Variants in CPSF2 observed in about 807,000 individuals in gnomAD.
CPSF2 encodes cleavage and polyadenylation specificity factor subunit 2.
A neutral mutation model predicts 84.2 loss-of-function variants in CPSF2; 51 were observed. That is an observed-to-expected ratio of 0.61 (90% CI 0.48 to 0.77). The LOEUF (loss-of-function observed/expected upper bound fraction) is 0.77. Among genes scored for constraint, CPSF2 ranks in the 30% least tolerant of loss-of-function variants. CPSF2 has a pLI of 0.00. For missense variants in CPSF2, 641 were observed against 929.4 expected (o/e 0.69, Z 4.03); for synonymous variants, 286 against 311.9 (o/e 0.92, Z 0.87).
Position 92,172,002 on chromosome 14 carries a change from C to A in CPSF2, c.*10258C>A, listed in dbSNP as rs951812836. The A allele has an allele frequency of 5.9e-5, 9 of 152,296 alleles. No homozygotes were observed. Among genetic ancestry groups the A allele is most frequent in the African/African-American group, 2.2e-4 (9 of 41,554 alleles). The allele number at this position is 152,296 out of a possible 1,614,324, so 9.4% of individuals were successfully genotyped here. ...GTGAGGACCAAGTTTCCTCCCTTTC[C>A]TCGATCCATGACAGCACCTGCCAGT... On this transcript the variant is annotated 3_prime_UTR_variant, in exon 16 of 16. Transcript: ENST00000298875.
At chr14:92,137,093 A>G (rs1329894133) in intron 6 of CPSF2, among the ~76,000 whole-genome samples, 1 of 152,170 alleles carries the variant, frequency 6.6e-6, no homozygotes, top group Admixed American at 6.5e-5. Context: ...TATAAGATCA[A>G]GTATTAATTT....
At chr14:92,138,580 C>T (rs535343027) in intron 7 of CPSF2, among the ~76,000 whole-genome samples, 2 of 152,036 alleles carry the variant, frequency 1.3e-5, no homozygotes, top group Admixed American at 6.6e-5. Flanking sequence ...CAGGTGTGCA[C>T]CACCACGCCC....
intron 1 of CPSF2, 105 bp downstream of exon 1, chr14:92,122,233 A>G: frequency 3.7e-6 from 1 of 269,314 alleles, no homozygotes; most frequent in Admixed American, 5.0e-5. Context: ...TCCCCCGAGG[A>G]CTCGCCCCCG....
chr14:92,156,411 A>G (rs2069290645), intron 11 of CPSF2, 68 bp from the exon 12 acceptor site: 7 of 1,292,594 alleles, frequency 5.4e-6, no homozygotes, highest in Non-Finnish European at 4.2e-6. Context: ...TATGCCACCT[A>G]CTAGTCATAT....
chr14:92,154,475 CAG>C lies in CPSF2; in HGVS notation c.1241+19_1241+20del. Reference sequence around the variant, plus strand: ...GTCAAAAGAGTGAGTCATTTTCAGACAGATTATAAATTTATGGATGCAATTTG... The same window carrying C: ...GTCAAAAGAGTGAGTCATTTTCAGACATTATAAATTTATGGATGCAATTTG... On this transcript the variant is annotated intron_variant, in intron 10 of 15. Transcript: ENST00000298875. 1 of 1,520,688 alleles carries C rather than the reference CAG, an allele frequency of 6.6e-7. No homozygotes were observed. Among genetic ancestry groups the C allele is most frequent in the Non-Finnish European group, 9.0e-7 (1 of 1,116,424 alleles). 94.2% of individuals were successfully genotyped at this position (1,520,688 alleles called of 1,614,324 possible).
rs192122353 is a variant in CPSF2, at chr14:92,125,021, A to G, written c.-93-1101A>G. On this transcript the variant is annotated intron_variant, in intron 1 of 15. Transcript: ENST00000298875. ...GTGATGTCAGGGTGGCTTCCTGGCAACCTCCATTGCCAGTTAAGGCATTTG... is the reference window on the plus strand; with the variant it reads ...GTGATGTCAGGGTGGCTTCCTGGCAGCCTCCATTGCCAGTTAAGGCATTTG... Among the ~76,000 whole-genome samples, 22 of 152,198 alleles carry G rather than the reference A, an allele frequency of 1.4e-4. 2 individuals are homozygous for G. The highest frequency in any genetic ancestry group is 4.8e-4 in the African/African-American group (20 of 41,526).
At chr14:92,129,991 T>G (rs1046121772) in intron 2 of CPSF2, among the ~76,000 whole-genome samples, 1 of 152,126 alleles carries the variant, frequency 6.6e-6, no homozygotes, top group African/African-American at 2.4e-5. Context: ...CTAGCAGTCT[T>G]CCTGCCTCGG....
rs112034482 is a variant in CPSF2 at position 92,147,958 on chromosome 14, C to T, written c.1140+4664C>T. Among the ~76,000 whole-genome samples, 832 of 152,328 alleles carry T rather than the reference C, an allele frequency of 5.5e-3. 6 individuals carry two copies. Among genetic ancestry groups the T allele is most frequent in the African/African-American group, 0.018 (742 of 41,572 alleles). ...CAAGCTGGTCTTGAACTACTGGCCTCAAACAATTCTCCCACCTTGGCCTCC... is the reference window on the plus strand; with the variant it reads ...CAAGCTGGTCTTGAACTACTGGCCTTAAACAATTCTCCCACCTTGGCCTCC... On this transcript the variant is annotated intron_variant, in intron 9 of 15. Coordinates refer to ENST00000298875, the MANE Select transcript of CPSF2 (RefSeq NM_017437.3).
chr14:92,142,869 C>A, intron 8 of CPSF2, 135 bp from the exon 9 acceptor site: 1 of 757,794 alleles, frequency 1.3e-6, no homozygotes, highest in Non-Finnish European at 2.1e-6. Context: ...AGAAAATAAG[C>A]TGCTTGTCAA....
intron 8 of CPSF2, 41 bp from the exon 9 acceptor site, chr14:92,142,963 T>C (rs1347956339): frequency 6.8e-7 from 1 of 1,467,996 alleles, no homozygotes; most frequent in South Asian, 1.3e-5. Context: ...GAAGTTATAA[T>C]ATAGTATTTC....
chr14:92,132,518 TCCCAG>T (rs2068945249), intron 3 of CPSF2, among the ~76,000 whole-genome samples: 1 of 150,806 alleles, frequency 6.6e-6, no homozygotes, highest in Non-Finnish European at 1.5e-5. Context: ...ATGCCGGTAA[TCCCAG>T]CACTTTGGGA....
chr14:92,158,990 T>A lies in CPSF2; in HGVS notation c.1829T>A (p.Leu610Ter), dbSNP rs754909622. ...CCTCCTTTGCATGTCTAGGTGAGGT[T>A]AAAAGACTCACTTGTCAGCTCTCTT... is the stretch of plus-strand genomic sequence containing the variant. ...TSETHIYQVR[L>*]KDSLVSSLQF... Residue 610 changes from leucine to a stop codon, truncating the protein, a stop_gained, in exon 14 of 16, where the codon TTA becomes TAA. Coordinates refer to ENST00000298875, the MANE Select transcript of CPSF2 (RefSeq NM_017437.3). LOFTEE classifies it high-confidence loss of function. 2 of 1,611,700 alleles carry A rather than the reference T, an allele frequency of 1.2e-6. No individual in the cohort carries two copies. The highest frequency in any genetic ancestry group is 1.7e-6 in the Non-Finnish European group (2 of 1,178,596).
chr14:92,130,136 C>G (rs2068897156), intron 2 of CPSF2, among the ~76,000 whole-genome samples: 1 of 152,184 alleles, frequency 6.6e-6, no homozygotes, highest in South Asian at 2.1e-4. Context: ...AAGCGTGCAT[C>G]AGGTTCTATT....
chr14:92,138,493 G>A (rs1183861888), intron 7 of CPSF2, 146 bp downstream of exon 7: 4 of 441,234 alleles, frequency 9.1e-6, no homozygotes, highest in Admixed American at 4.5e-5. Context: ...GAAGTGGCGC[G>A]ATCTCGGCTC....
rs557180056 is a variant in CPSF2 at position 92,159,196 on chromosome 14, A to G, written c.2035A>G (p.Met679Val). The change falls in exon 14 of 16, where the codon ATG becomes GTG. Residue 679 changes from methionine (M) to valine (V), a missense_variant. Physicochemically the swap from Met to Val is conservative, Grantham distance 21. Around this residue, in one of 2 missense-constraint regions of CPSF2, gnomAD observed 430 missense variants for 553.6 expected, o/e 0.78. Transcript: ENST00000298875. ...DSSVIAQQKA[M>V]KSLFGDDEKE... ...TAGCGTTATAGCACAACAAAAGGCC[A>G]TGAAAAGTCTGTTCGGAGATGATGA... is the stretch of plus-strand genomic sequence containing the variant. The G allele has an allele frequency of 3.7e-6, 6 of 1,614,102 alleles. No individual in the cohort carries two copies. The highest frequency in any genetic ancestry group is 2.2e-5 in the East Asian group (1 of 44,854).
rs145825411 is a variant in CPSF2 at position 92,158,445 on chromosome 14, A to C, written c.1822-538A>C. ...CAGAGTGATGTCTATATCTGGAAGA[A>C]ATGGATGTGCACATACCAGGCAGGA... On this transcript the variant is annotated intron_variant, in intron 13 of 15. Coordinates refer to ENST00000298875, the MANE Select transcript of CPSF2 (RefSeq NM_017437.3). 1.5e-3 allele frequency among the ~76,000 whole-genome samples: 229 copies of C among 152,314 alleles called. 2 individuals carry two copies. The highest frequency in any genetic ancestry group is 5.3e-3 in the African/African-American group (219 of 41,564).
chr14:92,156,390 A>T, intron 11 of CPSF2, 89 bp from the exon 12 acceptor site: 1 of 942,806 alleles, frequency 1.1e-6, no homozygotes, highest in Non-Finnish European at 1.6e-6. Flanking sequence ...ATATGTGAGG[A>T]CTCCAAAAAT....
rs899349325 is a variant in CPSF2, at chr14:92,167,951, A to G, written c.*6207A>G. 2.7e-5 allele frequency: 4 copies of G among 150,356 alleles called. No individual in the cohort carries two copies. The highest frequency in any genetic ancestry group is 9.8e-5 in the African/African-American group (4 of 40,668). The allele number at this position is 150,356 out of a possible 1,614,324, so 9.3% of individuals were successfully genotyped here. ...TGAATGTAGAATGAATTTGGATTCA[A>G]TAATGGGAACTAAGGTCAGGCGTGG... On this transcript the variant is annotated 3_prime_UTR_variant, in exon 16 of 16. Coordinates refer to ENST00000298875, the MANE Select transcript of CPSF2 (RefSeq NM_017437.3).
intron 7 of CPSF2, among the ~76,000 whole-genome samples, chr14:92,141,314 A>G (rs1198263824): frequency 6.6e-6 from 1 of 152,100 alleles, no homozygotes; most frequent in Non-Finnish European, 1.5e-5. Flanking sequence ...ATATAGGAGG[A>G]TGTACGTAGG....
Sources: allele counts gnomAD v4.1 joint callset (sites outside exome capture counted in the v4.1 genomes callset), GRCh38; gene constraint gnomAD v4.1.1; regional missense constraint gnomAD v4.1.1; transcripts MANE v1.5; gene names NCBI Gene and HGNC (gene_info 2026-07-23, HGNC 2026-07-21).